The following SHTN1 variants were observed in gnomAD, a reference collection of about 807,000 sequenced individuals.
The protein encoded by SHTN1 is shootin 1, also known as shootin-1.
In SHTN1, 42 loss-of-function variants were observed where a neutral mutation model predicts 83.1. The observed-to-expected ratio is 0.51, with a 90% CI of 0.39 to 0.65. The LOEUF (loss-of-function observed/expected upper bound fraction) is 0.65. Ranked by LOEUF, SHTN1 falls within the 30% of genes least tolerant of loss-of-function variation. The probability of loss-of-function intolerance (pLI) is 0.00; values close to 1 mark genes in which losing one functional copy is unlikely to be tolerated. For synonymous variants in SHTN1, 224 were observed against 247.7 expected, an observed-to-expected ratio of 0.90 and a Z score of 0.90; for missense variants, 622 against 737.8, an observed-to-expected ratio of 0.84 and a Z score of 1.82.
intron 1 of SHTN1, among the ~76,000 whole-genome samples, chr10:117,068,019 T>A (rs111757846): frequency 2.6e-5 from 4 of 152,102 alleles, no homozygotes; most frequent in Non-Finnish European, 5.9e-5. Flanking sequence ...CAAGTGGAGC[T>A]ATGAGAGGTG....
chr10:116,895,820 T>C (rs959107028), intron 16 of SHTN1, among the ~76,000 whole-genome samples: 7 of 152,182 alleles, frequency 4.6e-5, no homozygotes, highest in African/African-American at 9.7e-5. Flanking sequence ...TTTGGGCAAG[T>C]TGTTTACCTC....
intron 9 of SHTN1, among the ~76,000 whole-genome samples, chr10:116,934,150 A>G (rs1053353104): frequency 1.3e-5 from 2 of 152,158 alleles, no homozygotes; most frequent in Admixed American, 6.5e-5. Context: ...TTTGCTGTGC[A>G]TAAGTTCTTT....
intron 16 of SHTN1, among the ~76,000 whole-genome samples, chr10:116,896,703 G>A (rs1294818368): frequency 1.3e-5 from 2 of 152,016 alleles, no homozygotes; most frequent in South Asian, 2.1e-4. Flanking sequence ...CCAGCAGAGC[G>A]GCTCCGAAGC....
intron 16 of SHTN1, among the ~76,000 whole-genome samples, chr10:116,889,974 C>G (rs1847284099): frequency 6.6e-6 from 1 of 152,138 alleles, no homozygotes. Context: ...CTCATTCTAC[C>G]TTCATTCCTA....
At chr10:116,962,500 T>C (rs1358818555) in intron 3 of SHTN1, among the ~76,000 whole-genome samples, 1 of 152,180 alleles carries the variant, frequency 6.6e-6, no homozygotes, top group Non-Finnish European at 1.5e-5. Flanking sequence ...ATTTCCACTA[T>C]CATAACAAAA....
At chr10:116,890,919 G>A (rs565758010) in intron 16 of SHTN1, among the ~76,000 whole-genome samples, 4 of 152,288 alleles carry the variant, frequency 2.6e-5, no homozygotes, top group East Asian at 1.9e-4. Flanking sequence ...AAAGGACATC[G>A]TTTGCATTCA....
At chr10:117,086,197 C>T (rs901317345) in intron 1 of SHTN1, among the ~76,000 whole-genome samples, 1 of 152,162 alleles carries the variant, frequency 6.6e-6, no homozygotes, top group African/African-American at 2.4e-5. Flanking sequence ...GGATTACAGG[C>T]GTGAGCCACC....
intron 2 of SHTN1, among the ~76,000 whole-genome samples, chr10:117,015,757 G>A (rs572295693): frequency 6.6e-5 from 10 of 152,314 alleles, no homozygotes; most frequent in African/African-American, 2.2e-4. Context: ...AGGAAAAAAT[G>A]TTCCTGTTTG....
chr10:116,910,160 G>T (rs1848133114), intron 14 of SHTN1, among the ~76,000 whole-genome samples: 1 of 152,284 alleles, frequency 6.6e-6, no homozygotes, highest in Non-Finnish European at 1.5e-5. Flanking sequence ...ATTACAAATA[G>T]TCCATCCTTC....
chr10:116,900,432 C>T, intron 16 of SHTN1: 1 of 1,060,682 alleles, frequency 9.4e-7, no homozygotes, highest in Admixed American at 2.0e-5. Context: ...GACCTTGGGC[C>T]TGCAATTATT....
intron 16 of SHTN1, among the ~76,000 whole-genome samples, chr10:116,896,645 C>T (rs536536665): frequency 3.3e-5 from 5 of 152,246 alleles, no homozygotes; most frequent in African/African-American, 1.2e-4. Context: ...AAATGGGTCA[C>T]GTCATCTTTT....
rs548419270 is a variant in SHTN1, at chr10:117,113,761, T to G, written c.-189+12546A>C. 3.3e-5 allele frequency among the ~76,000 whole-genome samples: 5 copies of G among 152,144 alleles called. No individual in the cohort carries two copies. In the South Asian group the frequency reaches 1.0e-3, roughly 32 times the overall value. On this transcript the variant is annotated intron_variant, in intron 1 of 17. Coordinates refer to the SHTN1 transcript ENST00000392901. ...TCTGCAAAACAATTAAAAAGTCAGC[T>G]GGGGATGGGCGCAGTGGATCATGCC...
intron 5 of SHTN1, 22 bp from the exon 6 acceptor site, chr10:116,952,028 A>T: frequency 2.4e-6 from 3 of 1,249,314 alleles, no homozygotes; most frequent in Admixed American, 2.4e-5. Context: ...AAGAAAAAAA[A>T]TATATAAATA....
chr10:116,973,803 T>C (rs909521723), intron 2 of SHTN1: 1 of 1,116,124 alleles, frequency 9.0e-7, no homozygotes, highest in Non-Finnish European at 1.2e-6. Context: ...GTTACAACAG[T>C]TAAAGATTTA....
intron 11 of SHTN1, among the ~76,000 whole-genome samples, chr10:116,922,972 A>T (rs998668229): frequency 3.9e-5 from 6 of 152,140 alleles, no homozygotes; most frequent in South Asian, 4.1e-4. Flanking sequence ...ATCTCAAAAA[A>T]AAAAATAAAA....
chr10:117,066,786 A>G lies in SHTN1; in HGVS notation c.-188-18276T>C, dbSNP rs79410193. On this transcript the variant is annotated intron_variant, in intron 1 of 17. Coordinates refer to the SHTN1 transcript ENST00000392901. The stretch of plus-strand genomic sequence containing the variant: ...TTAGAAGACTTCTTTCATTCAACTG[A>G]TATTTACTGAGCATTTGCCTCATTT... Among the ~76,000 whole-genome samples, 366 of 152,324 alleles carry G rather than the reference A, an allele frequency of 2.4e-3. 6 individuals are homozygous for G. In the East Asian group the frequency reaches 0.044, roughly 18 times the overall value.
At chr10:116,940,713 C>A (rs1849337652) in intron 8 of SHTN1, 101 bp from the exon 9 acceptor site, 1 of 894,222 alleles carries the variant, frequency 1.1e-6, no homozygotes. Context: ...TTTATTAAAT[C>A]ATTAAAGGCA....
At chr10:117,058,312 C>A (rs1852854445) in intron 1 of SHTN1, among the ~76,000 whole-genome samples, 1 of 152,092 alleles carries the variant, frequency 6.6e-6, no homozygotes, top group South Asian at 2.1e-4. Flanking sequence ...ATATAGAGAT[C>A]TCCTAAAACT....
chr10:116,971,191 A>C (rs1337925056), intron 2 of SHTN1, among the ~76,000 whole-genome samples: 1 of 152,196 alleles, frequency 6.6e-6, no homozygotes, highest in Non-Finnish European at 1.5e-5. Flanking sequence ...AAATTAGCAA[A>C]TCTGGTTACT....
Sources: gnomAD v4.1 joint callset for allele counts (sites outside exome capture counted in the v4.1 genomes callset) on GRCh38, gnomAD v4.1.1 for gene constraint, MANE v1.5 for transcripts, NCBI Gene and HGNC (gene_info 2026-07-23, HGNC 2026-07-21) for gene names.